The following TBCD variants were observed in gnomAD, a reference collection of about 807,000 sequenced individuals.
The protein encoded by TBCD is tubulin folding cofactor D.
Under a neutral mutation model 169.3 loss-of-function variants are expected in TBCD, and 105 were observed. That is an observed-to-expected ratio of 0.62 (90% CI 0.53 to 0.73). TBCD has a LOEUF of 0.73. Ranked by LOEUF, TBCD falls within the 30% of genes least tolerant of loss-of-function variation. TBCD has a pLI of 0.00. For missense variants in TBCD, 1,444 were observed against 1,600.1 expected (o/e 0.90, Z 1.66); for synonymous variants, 700 against 643.9 (o/e 1.09, Z -1.32).
Position 82,831,965 on chromosome 17 carries a change from G to T in TBCD, c.1318+17031G>T. 1.2e-6 allele frequency: 2 copies of T among 1,613,838 alleles called. No individual in the cohort carries two copies. Among genetic ancestry groups the T allele is most frequent in the Non-Finnish European group, 1.7e-6 (2 of 1,179,770 alleles). ...CCCTTGAGTCTGTGCTCGCCGACTG[G>T]AACAAATGCAGAAGGCCGAGCTGCG... On this transcript the variant is annotated intron_variant, in intron 13 of 38. Transcript: ENST00000355528. This position sits in a 1 kb window ranked among gnomAD's most constrained non-coding sequence, Gnocchi z 4.6.
At chr17:82,853,633 C>T (rs544603212) in intron 13 of TBCD, among the ~76,000 whole-genome samples, 17 of 151,794 alleles carry the variant, frequency 1.1e-4, no homozygotes, top group Non-Finnish European at 2.5e-4. Context: ...TTGAACTCCT[C>T]GCCTCAAATG....
At position 82,942,559 on chromosome 17, in the gene TBCD, A is replaced by C. The variant is rs1266423395; in HGVS notation, c.*96A>C. Reference sequence around the variant, plus strand: ...GAAAGCCTCGCACAGTGGTGCCTCCAGCTGTTGAAGGGTAGCGCTGGCCCT... The same window carrying C: ...GAAAGCCTCGCACAGTGGTGCCTCCCGCTGTTGAAGGGTAGCGCTGGCCCT... On this transcript the variant is annotated 3_prime_UTR_variant, in exon 39 of 39. Transcript: ENST00000355528. 3.5e-5 allele frequency: 55 copies of C among 1,557,130 alleles called. No individual in the cohort carries two copies. Among genetic ancestry groups the C allele is most frequent in the Non-Finnish European group, 4.7e-5 (53 of 1,131,504 alleles).
chr17:82,827,502 G>A (rs1209515573), intron 13 of TBCD, among the ~76,000 whole-genome samples: 2 of 152,316 alleles, frequency 1.3e-5, no homozygotes, highest in South Asian at 2.1e-4. Context: ...CCCATGGATG[G>A]CCATTGAGTA....
intron 13 of TBCD, among the ~76,000 whole-genome samples, chr17:82,838,205 C>A (rs541656497): frequency 6.6e-6 from 1 of 152,276 alleles, no homozygotes; most frequent in Admixed American, 6.5e-5. Flanking sequence ...AATATACTGT[C>A]TTTCCAAAGG....
chr17:82,814,129 T>G (rs932782063), intron 12 of TBCD, among the ~76,000 whole-genome samples: 3 of 152,244 alleles, frequency 2.0e-5, no homozygotes, highest in Admixed American at 2.0e-4. Context: ...AAGTTCATAT[T>G]TCAAATACTG....
At chr17:82,772,087 T>C (rs2048340432) in intron 5 of TBCD, among the ~76,000 whole-genome samples, 1 of 152,190 alleles carries the variant, frequency 6.6e-6, no homozygotes, top group Admixed American at 6.5e-5. Context: ...ATACTGATGG[T>C]TCCCTTGTGC....
chr17:82,919,534 G>C (rs2061286188), intron 23 of TBCD, among the ~76,000 whole-genome samples: 1 of 152,112 alleles, frequency 6.6e-6, no homozygotes, highest in Non-Finnish European at 1.5e-5. Context: ...AAATGGGGCA[G>C]AGCAGACGTG....
At position 82,764,028 on chromosome 17, in the gene TBCD, A is replaced by C. The variant is rs757694767; in HGVS notation, c.299A>C (p.His100Pro). 2.5e-6 allele frequency: 4 copies of C among 1,613,800 alleles called. No individual in the cohort carries two copies. The highest frequency in any genetic ancestry group is 3.4e-6 in the Non-Finnish European group (4 of 1,179,868). ...QDQTSPASLV[H>P]LAFKFLYIIT... Reference sequence around the variant, plus strand: ...CAGACATCTCCAGCTTCCCTTGTACATCTGGCTTTTAAATTTCTTTACATC... The same window carrying C: ...CAGACATCTCCAGCTTCCCTTGTACCTCTGGCTTTTAAATTTCTTTACATC... The change falls in exon 3 of 39, where the codon CAT becomes CCT. Residue 100 changes from histidine (H) to proline (P), a missense_variant. Physicochemically the swap from His to Pro is moderately conservative, Grantham distance 77. Transcript: ENST00000355528.
chr17:82,794,406 G>T (rs1236823844), intron 7 of TBCD, among the ~76,000 whole-genome samples: 1 of 152,164 alleles, frequency 6.6e-6, no homozygotes, highest in African/African-American at 2.4e-5. Flanking sequence ...CAGACCTGCA[G>T]TCATTCCTCA....
At chr17:82,850,985 C>A (rs543751543) in intron 13 of TBCD, among the ~76,000 whole-genome samples, 1 of 152,174 alleles carries the variant, frequency 6.6e-6, no homozygotes, top group South Asian at 2.1e-4. Context: ...ACAGCAGAGG[C>A]GACTGGCATG....
At chr17:82,893,517 C>CT (rs774593289) in intron 16 of TBCD, 30 bp from the exon 17 acceptor site, 1 of 1,523,660 alleles carries the variant, frequency 6.6e-7, no homozygotes, top group South Asian at 1.2e-5. Context: ...TCAAATTCTT[C>CT]TTTTTCCCCC....
intron 21 of TBCD, chr17:82,908,145 G>A (rs951491115): frequency 5.0e-6 from 2 of 397,738 alleles, no homozygotes; most frequent in Admixed American, 3.7e-5. Context: ...TGGAGGTTTC[G>A]GCTGCAGCTG....
At chr17:82,843,269 G>GTTACC (rs2054683606) in intron 13 of TBCD, among the ~76,000 whole-genome samples, 1 of 131,786 alleles carries the variant, frequency 7.6e-6, no homozygotes, top group African/African-American at 2.7e-5. Context: ...AGCTGTCTGT[G>GTTACC]TTCCCTTCCC....
At chr17:82,906,855 C>T (rs1282791173) in intron 20 of TBCD, among the ~76,000 whole-genome samples, 2 of 152,222 alleles carry the variant, frequency 1.3e-5, no homozygotes, top group African/African-American at 4.8e-5. Flanking sequence ...AGCTGATGCC[C>T]GTGCAAGACC....
At chr17:82,834,169 A>AGCTCCTGACCTCAACATAAAT (rs2053764822) in intron 13 of TBCD, among the ~76,000 whole-genome samples, 1 of 152,052 alleles carries the variant, frequency 6.6e-6, no homozygotes, top group Non-Finnish European at 1.5e-5. Flanking sequence ...GCTGGTCTCG[A>AGCTCCTGACCTCAACATAAAT]GCTCCTGACC....
At position 82,915,227 on chromosome 17, in the gene TBCD, C is replaced by T. The variant is rs536996558; in HGVS notation, c.2038+3438C>T. Among the ~76,000 whole-genome samples the T allele has an allele frequency of 1.9e-3, 285 of 152,246 alleles. 1 individual carries two copies. The highest frequency in any genetic ancestry group is 1.9e-3 in the Non-Finnish European group (131 of 68,006). ...GCCGGCATGTCGGTGACATGCCGCCCGCAGGAGCATCAGGTGCGCCCTGGC... is the reference window on the plus strand; with the variant it reads ...GCCGGCATGTCGGTGACATGCCGCCTGCAGGAGCATCAGGTGCGCCCTGGC... On this transcript the variant is annotated intron_variant, in intron 23 of 38. Coordinates refer to ENST00000355528, the MANE Select transcript of TBCD (RefSeq NM_005993.5). This position sits in a 1 kb window ranked among gnomAD's most constrained non-coding sequence, Gnocchi z 4.3.
chr17:82,800,754 C>T (rs1475830597), intron 8 of TBCD, 110 bp from the exon 9 acceptor site: 1 of 1,359,856 alleles, frequency 7.4e-7, no homozygotes, highest in East Asian at 2.6e-5. Flanking sequence ...TTGGTGATGT[C>T]TCCTGCCTCA....
chr17:82,767,738 C>T (rs935783774), intron 4 of TBCD, among the ~76,000 whole-genome samples: 1 of 152,214 alleles, frequency 6.6e-6, no homozygotes, highest in African/African-American at 2.4e-5. Context: ...GGGCGGATCA[C>T]GAGGTCAGGA....
intron 7 of TBCD, among the ~76,000 whole-genome samples, chr17:82,792,021 T>C (rs557612612): frequency 2.8e-4 from 42 of 152,200 alleles, no homozygotes; most frequent in African/African-American, 9.9e-4. Flanking sequence ...AGTAAAAATA[T>C]ATCATCAGCT....
Sources: gnomAD v4.1 joint callset for allele counts (sites outside exome capture counted in the v4.1 genomes callset) on GRCh38, gnomAD v4.1.1 for gene constraint, Gnocchi (gnomAD v3.1) non-coding constraint, MANE v1.5 for transcripts, NCBI Gene and HGNC (gene_info 2026-07-23, HGNC 2026-07-21) for gene names.